The following BBS9 variants were observed in gnomAD, a reference collection of about 807,000 sequenced individuals.
The protein encoded by BBS9 is protein PTHB1.
In BBS9, 89 loss-of-function variants were observed where a neutral mutation model predicts 117.7. The observed-to-expected ratio is 0.76, with a 90% CI of 0.64 to 0.90. BBS9 has a LOEUF of 0.90. Among genes scored for constraint, BBS9 ranks in the 40% least tolerant of loss-of-function variants. BBS9 has a pLI of 0.00. For missense variants in BBS9, 982 were observed against 1,042.2 expected (o/e 0.94, Z 0.80); for synonymous variants, 379 against 370.9 (o/e 1.02, Z -0.25).
At chr7:33,547,486 A>G (rs1191375840) in intron 21 of BBS9, among the ~76,000 whole-genome samples, 1 of 152,350 alleles carries the variant, frequency 6.6e-6, no homozygotes, top group East Asian at 1.9e-4. Context: ...GCATTTGAGA[A>G]GAGAAAAAGT....
intron 7 of BBS9, among the ~76,000 whole-genome samples, chr7:33,270,021 C>CAA (rs148600222): frequency 0.096 from 11,987 of 124,516 alleles, 639 homozygotes; most frequent in South Asian, 0.14. Context: ...GACTCTGTCT[C>CAA]AAAAAAAAAA....
intron 9 of BBS9, among the ~76,000 whole-genome samples, chr7:33,317,283 G>A (rs557337442): frequency 3.9e-5 from 6 of 151,918 alleles, no homozygotes; most frequent in African/African-American, 1.4e-4. Flanking sequence ...GAGTTCACTC[G>A]TGAAACCCCT....
chr7:33,274,057 C>T (rs1053667567), intron 9 of BBS9, 101 bp downstream of exon 9: 31 of 1,308,840 alleles, frequency 2.4e-5, no homozygotes, highest in Non-Finnish European at 3.4e-5. Flanking sequence ...TAAAAAATTA[C>T]AGGTGACATT....
chr7:33,568,135 G>A (rs1052448394), intron 21 of BBS9, among the ~76,000 whole-genome samples: 20 of 152,044 alleles, frequency 1.3e-4, no homozygotes, highest in African/African-American at 4.1e-4. Context: ...CAGGCCCTTC[G>A]TGACCTCATG....
chr7:33,256,309 A>G (rs751057649), intron 5 of BBS9, among the ~76,000 whole-genome samples: 1 of 152,228 alleles, frequency 6.6e-6, no homozygotes, highest in Non-Finnish European at 1.5e-5. Flanking sequence ...TTATCTCTCT[A>G]AAAGAGATTC....
At chr7:33,359,501 T>C (rs1820236941) in intron 16 of BBS9, among the ~76,000 whole-genome samples, 3 of 152,068 alleles carry the variant, frequency 2.0e-5, no homozygotes, top group Non-Finnish European at 4.4e-5. Flanking sequence ...CTTACTCACT[T>C]TAGGAATGGG....
At chr7:33,405,796 C>A (rs1297553833) in intron 19 of BBS9, among the ~76,000 whole-genome samples, 3 of 152,128 alleles carry the variant, frequency 2.0e-5, no homozygotes, top group Admixed American at 6.5e-5. Flanking sequence ...AAAAAACCAG[C>A]TCCTGGATTC....
intron 19 of BBS9, among the ~76,000 whole-genome samples, chr7:33,473,325 C>T (rs1278453656): frequency 1.3e-5 from 2 of 151,182 alleles, no homozygotes; most frequent in African/African-American, 4.9e-5. Context: ...CACCCCACCC[C>T]CTCACCCCCC....
chr7:33,458,218 G>A (rs561184417), intron 19 of BBS9, among the ~76,000 whole-genome samples: 21 of 152,252 alleles, frequency 1.4e-4, no homozygotes, highest in Middle Eastern at 3.4e-3. Flanking sequence ...AAAGTCATCC[G>A]AGGAAAGGCT....
intron 21 of BBS9, among the ~76,000 whole-genome samples, chr7:33,597,776 G>T (rs1048215893): frequency 6.6e-6 from 1 of 151,616 alleles, no homozygotes; most frequent in African/African-American, 2.4e-5. Flanking sequence ...CCCTCTCTGA[G>T]CCTCTGTCTT....
chr7:33,474,109 G>T (rs2128960446), intron 19 of BBS9, among the ~76,000 whole-genome samples: 1 of 152,310 alleles, frequency 6.6e-6, no homozygotes, highest in African/African-American at 2.4e-5. Flanking sequence ...ATGATTTCAA[G>T]TATACTGAGC....
At chr7:33,377,036 C>T (rs905091491) in intron 17 of BBS9, among the ~76,000 whole-genome samples, 25 of 152,058 alleles carry the variant, frequency 1.6e-4, no homozygotes, top group African/African-American at 3.4e-4. Context: ...GCTGTGCAGA[C>T]GCTCTTTAGT....
chr7:33,183,378 GA>G lies in BBS9; in HGVS notation c.442+5796del, dbSNP rs201697952. ...CCAGAAAAACACAATCCACGAAGAGGAAAAAAAAACATAAAGGCCTTTAAAA... is the reference window on the plus strand; with the variant it reads ...CCAGAAAAACACAATCCACGAAGAGGAAAAAAAACATAAAGGCCTTTAAAA... On this transcript the variant is annotated intron_variant, in intron 5 of 22. Coordinates refer to ENST00000242067, the MANE Select transcript of BBS9 (RefSeq NM_198428.3). 1.5e-3 allele frequency among the ~76,000 whole-genome samples: 222 copies of G among 149,878 alleles called. 2 individuals are homozygous for G. Among genetic ancestry groups the G allele is most frequent in the Middle Eastern group, 3.4e-3 (1 of 294 alleles).
intron 9 of BBS9, among the ~76,000 whole-genome samples, chr7:33,311,821 A>AC (rs1455328413): frequency 6.6e-5 from 10 of 152,134 alleles, no homozygotes; most frequent in Non-Finnish European, 1.2e-4. Context: ...CATCTCAAAA[A>AC]AAAAAAAGTG....
intron 21 of BBS9, among the ~76,000 whole-genome samples, chr7:33,601,635 A>G (rs1314696217): frequency 6.6e-6 from 1 of 152,098 alleles, no homozygotes; most frequent in Non-Finnish European, 1.5e-5. Flanking sequence ...CTCCCAGGTG[A>G]TTCCTGTTCG....
intron 5 of BBS9, among the ~76,000 whole-genome samples, chr7:33,246,154 G>C (rs1000297927): frequency 6.6e-6 from 1 of 152,112 alleles, no homozygotes; most frequent in African/African-American, 2.4e-5. Flanking sequence ...ATGGCTAAAT[G>C]GCACATTGAA....
chr7:33,341,820 T>C (rs1816628096), intron 11 of BBS9, among the ~76,000 whole-genome samples: 1 of 152,134 alleles, frequency 6.6e-6, no homozygotes, highest in South Asian at 2.1e-4. Context: ...TTCTTGATTA[T>C]ATTACTTCAT....
At chr7:33,152,674 A>G (rs1584179090) in intron 2 of BBS9, 27 bp from the exon 3 acceptor site, 2 of 1,566,398 alleles carry the variant, frequency 1.3e-6, no homozygotes, top group Non-Finnish European at 8.7e-7. Context: ...TTCTCCCTCT[A>G]TCTTTTTTTT....
At chr7:33,390,682 C>A in intron 19 of BBS9, 1 of 824,636 alleles carries the variant, frequency 1.2e-6, no homozygotes, top group Non-Finnish European at 1.5e-6. Flanking sequence ...ATACTTAACA[C>A]ATGAATATAA....
Sources: allele counts gnomAD v4.1 joint callset (sites outside exome capture counted in the v4.1 genomes callset), GRCh38; gene constraint gnomAD v4.1.1; transcripts MANE v1.5; gene names NCBI Gene and HGNC (gene_info 2026-07-23, HGNC 2026-07-21).